Variants in TMEM135 observed in about 807,000 individuals in gnomAD.
TMEM135 encodes transmembrane protein 135.
Under a neutral mutation model 60.3 loss-of-function variants are expected in TMEM135, and 30 were observed. The observed-to-expected ratio is 0.50, with a 90% CI of 0.37 to 0.68. The LOEUF is 0.68. TMEM135 is among the 30% of genes least tolerant of loss of function. The pLI is 0.00. For synonymous variants in TMEM135, 190 were observed against 186.7 expected (o/e 1.02, Z -0.14); for missense variants, 468 against 548.8 (o/e 0.85, Z 1.47).
chr11:87,224,338 C>A (rs142418160), intron 5 of TMEM135, among the ~76,000 whole-genome samples: 4 of 152,314 alleles, frequency 2.6e-5, no homozygotes, highest in African/African-American at 9.6e-5. Context: ...TGAGTGAGTG[C>A]TATCTTATTG....
At chr11:87,188,996 C>CTGT (rs144395589) in intron 5 of TMEM135, among the ~76,000 whole-genome samples, 19,961 of 152,086 alleles carry the variant, frequency 0.13, 1,358 homozygotes, top group Non-Finnish European at 0.15. Flanking sequence ...TTTACTCATT[C>CTGT]TGTTGTTAAA....
chr11:87,128,539 ATTTG>A (rs959626218), intron 4 of TMEM135, among the ~76,000 whole-genome samples: 1 of 152,228 alleles, frequency 6.6e-6, no homozygotes, highest in Non-Finnish European at 1.5e-5. Flanking sequence ...GTCAGTAAAT[ATTTG>A]TTGAACAAAT....
intron 5 of TMEM135, among the ~76,000 whole-genome samples, chr11:87,189,264 A>G (rs1156755439): frequency 6.6e-6 from 1 of 150,896 alleles, no homozygotes; most frequent in Non-Finnish European, 1.5e-5. Context: ...GGGTTCAAGC[A>G]ATTCTCCTGC....
chr11:87,167,541 C>G (rs990628629), intron 5 of TMEM135, among the ~76,000 whole-genome samples: 1 of 152,080 alleles, frequency 6.6e-6, no homozygotes, highest in Non-Finnish European at 1.5e-5. Flanking sequence ...TTATCAAAGG[C>G]CTTTTCTGCA....
chr11:87,123,775 T>A (rs1185941966), intron 4 of TMEM135, among the ~76,000 whole-genome samples: 3 of 152,188 alleles, frequency 2.0e-5, no homozygotes, highest in African/African-American at 7.2e-5. Flanking sequence ...AAGTTGAGAA[T>A]TAACATTTAT....
intron 4 of TMEM135, among the ~76,000 whole-genome samples, chr11:87,119,076 A>C: frequency 6.6e-6 from 1 of 152,212 alleles, no homozygotes; most frequent in East Asian, 1.9e-4. Flanking sequence ...TTGCATTTAC[A>C]ACTTGGCTCA....
At chr11:87,175,475 C>G (rs984375738) in intron 5 of TMEM135, among the ~76,000 whole-genome samples, 2 of 152,184 alleles carry the variant, frequency 1.3e-5, no homozygotes, top group Non-Finnish European at 2.9e-5. Context: ...TGTACCAACT[C>G]TGTGTGTGCC....
At chr11:87,292,983 A>T (rs1229592601) in intron 6 of TMEM135, among the ~76,000 whole-genome samples, 1 of 152,252 alleles carries the variant, frequency 6.6e-6, no homozygotes, top group Admixed American at 6.5e-5. Flanking sequence ...TATTCAGCAT[A>T]GCACAAAGAT....
At chr11:87,229,329 C>CA in intron 5 of TMEM135, among the ~76,000 whole-genome samples, 1 of 151,708 alleles carries the variant, frequency 6.6e-6, no homozygotes, top group African/African-American at 2.4e-5. Context: ...ACCAGCCAAC[C>CA]AAAAAAACAA....
intron 4 of TMEM135, among the ~76,000 whole-genome samples, chr11:87,129,463 G>A (rs990417755): frequency 5.3e-5 from 8 of 150,948 alleles, no homozygotes; most frequent in Middle Eastern, 3.4e-3. Context: ...GGCTGGTCTC[G>A]AACTCCTGAC....
chr11:87,205,749 C>G (rs1940219924), intron 5 of TMEM135, among the ~76,000 whole-genome samples: 1 of 152,102 alleles, frequency 6.6e-6, no homozygotes. Context: ...TAAGACTGGG[C>G]TGAATATAAT....
Position 87,037,957 on chromosome 11 carries a change from C to G in TMEM135, c.-89C>G, listed in dbSNP as rs758945256. On this transcript the variant is annotated 5_prime_UTR_variant, in exon 1 of 15. Coordinates refer to ENST00000305494, the MANE Select transcript of TMEM135 (RefSeq NM_022918.4). ...CCATTCCGCACCTCCGAGTGCTGGC[C>G]GGGCGAGAGGCTGGCGGCTGGGCTC... 1.2e-5 allele frequency: 19 copies of G among 1,590,232 alleles called. 2 individuals are homozygous for G. The South Asian group carries it at 1.8e-4, about 15-fold the overall frequency.
chr11:87,149,479 GAGTTT>G (rs1167652088), intron 4 of TMEM135, among the ~76,000 whole-genome samples: 4 of 152,182 alleles, frequency 2.6e-5, no homozygotes, highest in Admixed American at 6.5e-5. Flanking sequence ...GAGAGGAAGA[GAGTTT>G]AGTTATATTT....
intron 6 of TMEM135, among the ~76,000 whole-genome samples, chr11:87,252,258 G>A (rs937497684): frequency 6.6e-6 from 1 of 152,036 alleles, no homozygotes; most frequent in East Asian, 1.9e-4. Flanking sequence ...AGAGAATAGA[G>A]TCTAAACTCT....
At chr11:87,098,878 T>C (rs1857390033) in intron 4 of TMEM135, among the ~76,000 whole-genome samples, 2 of 151,982 alleles carry the variant, frequency 1.3e-5, no homozygotes, top group Admixed American at 6.6e-5. Context: ...TAAGTAGAGA[T>C]GGGGTTTCAC....
At chr11:87,075,417 G>T (rs1856851966) in intron 3 of TMEM135, among the ~76,000 whole-genome samples, 1 of 152,084 alleles carries the variant, frequency 6.6e-6, no homozygotes, top group Admixed American at 6.5e-5. Context: ...GCCTCCCAGA[G>T]TGTTGGGATT....
intron 1 of TMEM135, among the ~76,000 whole-genome samples, chr11:87,067,107 CTT>C (rs573492309): frequency 7.3e-6 from 1 of 137,216 alleles, no homozygotes; most frequent in Admixed American, 7.4e-5. Context: ...TTTTTCAGGT[CTT>C]TTTTTTTTTA....
intron 5 of TMEM135, among the ~76,000 whole-genome samples, chr11:87,222,912 A>C (rs549667355): frequency 2.6e-5 from 4 of 152,178 alleles, no homozygotes; most frequent in Non-Finnish European, 5.9e-5. Context: ...GCAAAACTCT[A>C]TTCAACATCG....
At chr11:87,068,148 G>A (rs1477175601) in intron 2 of TMEM135, among the ~76,000 whole-genome samples, 1 of 152,166 alleles carries the variant, frequency 6.6e-6, no homozygotes, top group Non-Finnish European at 1.5e-5. Flanking sequence ...GGAATTCAAA[G>A]CAACTGTCTA....
Sources: gnomAD v4.1 joint callset for allele counts (sites outside exome capture counted in the v4.1 genomes callset) on GRCh38, gnomAD v4.1.1 for gene constraint, MANE v1.5 for transcripts, NCBI Gene and HGNC (gene_info 2026-07-23, HGNC 2026-07-21) for gene names.